Variants in SH3TC2 observed in about 807,000 individuals in gnomAD.
SH3TC2 encodes the protein SH3 domain and tetratricopeptide repeat-containing protein 2.
A neutral mutation model predicts 124.5 loss-of-function variants in SH3TC2; 87 were observed. The observed-to-expected ratio is 0.70, with a 90% CI of 0.59 to 0.84. The LOEUF (loss-of-function observed/expected upper bound fraction) is 0.84, where lower values mean the gene tolerates loss of function less well. SH3TC2 is among the 40% of genes least tolerant of loss of function. The pLI, the probability that SH3TC2 is intolerant of heterozygous loss-of-function variation, is 0.00. For missense variants in SH3TC2, 1,536 were observed against 1,566.4 expected (o/e 0.98, Z 0.33); for synonymous variants, 634 against 628.5 (o/e 1.01, Z -0.13).
At chr5:149,010,212 G>C in intron 14 of SH3TC2, 58 bp downstream of exon 14, 1 of 1,613,226 alleles carries the variant, frequency 6.2e-7, no homozygotes, top group South Asian at 1.1e-5. Context: ...AGTCCAGCCT[G>C]ACCCTTCCCA....
intron 1 of SH3TC2, among the ~76,000 whole-genome samples, chr5:149,057,965 T>C (rs1042218967): frequency 6.6e-6 from 1 of 152,220 alleles, no homozygotes; most frequent in South Asian, 2.1e-4. Context: ...CACTTAGTGA[T>C]TTCTTTTCAC....
intron 2 of SH3TC2, among the ~76,000 whole-genome samples, chr5:149,049,015 C>T (rs534520519): frequency 6.6e-6 from 1 of 152,316 alleles, no homozygotes; most frequent in Non-Finnish European, 1.5e-5. Flanking sequence ...CTGCAAATTC[C>T]TCAGCACATT....
chr5:149,062,243 C>G (rs910199262), intron 1 of SH3TC2: 4 of 451,172 alleles, frequency 8.9e-6, no homozygotes, highest in African/African-American at 6.2e-5. Flanking sequence ...AGCCACCACT[C>G]ATCCTGATAA....
rs1326636934 is a variant in SH3TC2, at chr5:148,996,586, A to G, written c.*8125T>C. Among the ~76,000 whole-genome samples, 2 of 152,186 alleles carry G rather than the reference A, an allele frequency of 1.3e-5. No individual in the cohort carries two copies. Among genetic ancestry groups the G allele is most frequent in the African/African-American group, 4.8e-5 (2 of 41,454 alleles). ...AGCCTAGCCCGTGGCAGCTCCCCTG[A>G]GGAGGAAAGCAGATGTAGCCATTGT... On this transcript the variant is annotated 3_prime_UTR_variant, in exon 17 of 17. Transcript: ENST00000515425.
At chr5:149,059,270 A>C (rs1292256746) in intron 1 of SH3TC2, among the ~76,000 whole-genome samples, 1 of 152,102 alleles carries the variant, frequency 6.6e-6, no homozygotes, top group Non-Finnish European at 1.5e-5. Context: ...AATGGGTAGG[A>C]ATGGGTAGGG....
chr5:149,044,913 C>T (rs1375633982), intron 3 of SH3TC2: 4 of 301,228 alleles, frequency 1.3e-5, no homozygotes, highest in Non-Finnish European at 2.5e-5. Context: ...TACTGCTATA[C>T]AGCGGCAGCA....
chr5:149,042,575 C>T lies in SH3TC2; in HGVS notation c.529+119G>A. ...AAAGTACTATTATAACAGGTGGGTT[C>T]ATTTGTGAATATTCCATGTTTGAAT... On this transcript the variant is annotated intron_variant, in intron 5 of 16. Transcript: ENST00000515425. 3.1e-6 allele frequency: 4 copies of T among 1,272,372 alleles called. No homozygotes were observed. The South Asian group carries it at 4.8e-5, about 15-fold the overall frequency. 78.8% of individuals were successfully genotyped at this position (1,272,372 alleles called of 1,614,324 possible). A position where few individuals can be genotyped will look rare whatever the true frequency, so the allele number is the denominator to read the frequency against.
At chr5:149,042,214 A>G (rs1754383557) in intron 5 of SH3TC2, among the ~76,000 whole-genome samples, 1 of 152,172 alleles carries the variant, frequency 6.6e-6, no homozygotes, top group East Asian at 1.9e-4. Flanking sequence ...TCACCTATAA[A>G]CAGATCAAGA....
chr5:149,031,433 T>C (rs1754191417), intron 9 of SH3TC2, 121 bp downstream of exon 9: 2 of 1,349,654 alleles, frequency 1.5e-6, no homozygotes, highest in African/African-American at 2.9e-5. Flanking sequence ...AGAATAGTGG[T>C]CATGGCCACC....
chr5:149,048,895 T>C (rs1470221974), intron 2 of SH3TC2, among the ~76,000 whole-genome samples: 1 of 152,230 alleles, frequency 6.6e-6, no homozygotes, highest in East Asian at 1.9e-4. Context: ...GTGTCTTCTT[T>C]AGACAGTAAG....
chr5:149,018,313 C>T (rs1207825653), intron 12 of SH3TC2, among the ~76,000 whole-genome samples: 1 of 152,160 alleles, frequency 6.6e-6, no homozygotes, highest in Non-Finnish European at 1.5e-5. Context: ...TCCATATCTC[C>T]TTCTAGGGAA....
At position 149,028,325 on chromosome 5, in the gene SH3TC2, G is replaced by C. The variant is rs746463464; in HGVS notation, c.1407C>G (p.Pro469=). The change falls in exon 11 of 17, where the codon CCC becomes CCG. Residue 469 remains proline (P), a synonymous_variant. Coordinates refer to ENST00000515425, the MANE Select transcript of SH3TC2 (RefSeq NM_024577.4). ...GQEEEAENFA[P]ILAFLDHEGY... is the part of the protein sequence containing the mutation. ...CCTCATGATCCAGAAAAGCCAATAT[G>C]GGGGCGAAGTTCTCAGCCTCCTCCT... is the stretch of plus-strand genomic sequence containing the variant. The C allele has an allele frequency of 1.7e-5, 28 of 1,613,946 alleles. No individual in the cohort carries two copies. The South Asian group carries it at 2.9e-4, about 16-fold the overall frequency.
rs763964456 is a variant in SH3TC2, at chr5:149,026,663, G to T, written c.2962C>A (p.Leu988Met). The T allele has an allele frequency of 1.1e-5, 18 of 1,614,220 alleles. No homozygotes were observed. Among genetic ancestry groups the T allele is most frequent in the Non-Finnish European group, 1.4e-5 (17 of 1,180,048 alleles). Residue 988 changes from leucine to methionine, a missense_variant, in exon 12 of 17, where the codon CTG becomes ATG. Leu to Met is a conservative substitution (Grantham distance 15, BLOSUM62 2). This residue lies in a region of SH3TC2 where 426 missense variants were observed against 443.5 expected (regional missense o/e 0.96). Transcript: ENST00000515425. ...EACITYHEHW[L>M]ALAQQLRDRE... ...TCCCTGAGTTGCTGAGCCAGGGCCA[G>T]CCAGTGCTCATGGTAGGTGATGCAT...
intron 16 of SH3TC2, 22 bp from the exon 17 acceptor site, chr5:149,004,924 AAAG>A (rs1753660799): frequency 4.3e-6 from 7 of 1,613,986 alleles, no homozygotes; most frequent in Non-Finnish European, 5.9e-6. Context: ...GTATGGGGGC[AAAG>A]AAGAGACAGC....
chr5:149,005,848 G>A (rs1023292695), intron 16 of SH3TC2, among the ~76,000 whole-genome samples: 2 of 152,162 alleles, frequency 1.3e-5, no homozygotes, highest in African/African-American at 4.8e-5. Flanking sequence ...GAGATTAAGG[G>A]TTGTGCTTCA....
Position 149,002,090 on chromosome 5 carries a change from A to C in SH3TC2, c.*2621T>G, listed in dbSNP as rs1316281705. On this transcript the variant is annotated 3_prime_UTR_variant, in exon 17 of 17. Coordinates refer to ENST00000515425, the MANE Select transcript of SH3TC2 (RefSeq NM_024577.4). ...CCGGCCAATATCAAAAGCCTCATGC[A>C]GTTGTGGGAACTGCTCTTTCAGAGA... 6 of 152,654 alleles carry C rather than the reference A, an allele frequency of 3.9e-5. No individual in the cohort carries two copies. Among genetic ancestry groups the C allele is most frequent in the Non-Finnish European group, 8.8e-5 (6 of 68,044 alleles). The allele number at this position is 152,654 out of a possible 1,614,324, so 9.5% of individuals were successfully genotyped here.
intron 7 of SH3TC2, among the ~76,000 whole-genome samples, chr5:149,040,399 AT>A (rs1754349039): frequency 6.6e-6 from 1 of 152,056 alleles, no homozygotes; most frequent in African/African-American, 2.4e-5. Context: ...ACCTGCAGGC[AT>A]TTGTAGCTGC....
intron 12 of SH3TC2, among the ~76,000 whole-genome samples, chr5:149,023,485 A>G (rs1454545561): frequency 6.6e-6 from 1 of 152,050 alleles, no homozygotes; most frequent in African/African-American, 2.4e-5. Flanking sequence ...ATGGGTATTT[A>G]AAAATCTTTA....
chr5:149,030,575 T>C (rs776794150), intron 9 of SH3TC2, among the ~76,000 whole-genome samples: 4 of 152,238 alleles, frequency 2.6e-5, no homozygotes, highest in Non-Finnish European at 4.4e-5. Context: ...CTCAACCTCA[T>C]AAGGCAATAT....
Sources: gnomAD v4.1 joint callset for allele counts (sites outside exome capture counted in the v4.1 genomes callset) on GRCh38, gnomAD v4.1.1 for gene constraint, gnomAD v4.1.1 regional missense constraint, MANE v1.5 for transcripts, NCBI Gene and HGNC (gene_info 2026-07-23, HGNC 2026-07-21) for gene names.